The following ANO4 variants were observed in gnomAD, a reference collection of about 807,000 sequenced individuals.
ANO4 encodes the protein anoctamin-4.
A neutral mutation model predicts 141.9 loss-of-function variants in ANO4; 69 were observed. That is an observed-to-expected ratio of 0.49 (90% CI 0.40 to 0.59). The LOEUF (loss-of-function observed/expected upper bound fraction) is 0.59, where lower values mean the gene tolerates loss of function less well. ANO4 is among the 20% of genes least tolerant of loss of function. The probability of loss-of-function intolerance (pLI) is 0.00; values close to 1 mark genes in which losing one functional copy is unlikely to be tolerated. For synonymous variants in ANO4, 350 were observed against 394.3 expected (o/e 0.89, Z 1.33); for missense variants, 894 against 1,162.2 (o/e 0.77, Z 3.36).
At chr12:100,878,686 A>G (rs576100397) in intron 1 of ANO4, among the ~76,000 whole-genome samples, 15 of 152,262 alleles carry the variant, frequency 9.9e-5, no homozygotes, top group East Asian at 1.9e-4. Flanking sequence ...TACTAGAATA[A>G]TCTCCCTAAG....
chr12:100,858,433 C>G (rs1216723409), intron 1 of ANO4, among the ~76,000 whole-genome samples: 1 of 152,070 alleles, frequency 6.6e-6, no homozygotes, highest in Non-Finnish European at 1.5e-5. Context: ...TAAGATAAAA[C>G]TGTAGGCCTC....
intron 9 of ANO4, among the ~76,000 whole-genome samples, chr12:101,024,832 A>T (rs538538395): frequency 2.6e-5 from 4 of 152,210 alleles, no homozygotes. Flanking sequence ...TTTTTCTTAG[A>T]TATTTAGTAT....
intron 22 of ANO4, among the ~76,000 whole-genome samples, chr12:101,101,068 T>C (rs2050167024): frequency 6.6e-6 from 1 of 152,228 alleles, no homozygotes; most frequent in Non-Finnish European, 1.5e-5. Flanking sequence ...AGTTGGGTAG[T>C]TGTGTCAGAA....
intron 13 of ANO4, among the ~76,000 whole-genome samples, chr12:101,046,535 C>G (rs542261354): frequency 6.6e-6 from 1 of 152,318 alleles, no homozygotes; most frequent in African/African-American, 2.4e-5. Context: ...AAGATAACCT[C>G]CCATCTCCCC....
intron 2 of ANO4, among the ~76,000 whole-genome samples, chr12:100,912,224 G>A (rs2041132117): frequency 2.0e-5 from 3 of 151,766 alleles, no homozygotes; most frequent in African/African-American, 4.8e-5. Flanking sequence ...GGGGAAATCC[G>A]TCTCTACTAA....
At chr12:100,946,601 A>T (rs901064062) in intron 5 of ANO4, among the ~76,000 whole-genome samples, 1 of 152,198 alleles carries the variant, frequency 6.6e-6, no homozygotes, top group African/African-American at 2.4e-5. Flanking sequence ...ACTTACAGGG[A>T]TGCGGAAAAG....
intron 8 of ANO4, among the ~76,000 whole-genome samples, chr12:101,006,178 A>G (rs2045863743): frequency 6.6e-6 from 1 of 152,212 alleles, no homozygotes. Flanking sequence ...TTACTTATGC[A>G]ACATGCTCCC....
At chr12:100,918,958 CTTGTATAGGCCTAGGCTAATGTGTGTG>C (rs2041477894) in intron 2 of ANO4, among the ~76,000 whole-genome samples, 1 of 151,924 alleles carries the variant, frequency 6.6e-6, no homozygotes, top group South Asian at 2.1e-4. Context: ...TAATCCTGAC[CTTGTATAGGCCTAGGCTAATGTGTGTG>C]TTTGTATCCT....
At chr12:101,120,439 G>A in intron 25 of ANO4, 81 bp from the exon 26 acceptor site, 2 of 1,211,162 alleles carry the variant, frequency 1.7e-6, no homozygotes, top group Non-Finnish European at 1.2e-6. Context: ...TATTGAATGA[G>A]GACTATATAA....
intron 18 of ANO4, 142 bp downstream of exon 18, chr12:101,094,434 C>G: frequency 1.8e-6 from 1 of 566,742 alleles, no homozygotes; most frequent in South Asian, 4.3e-5. Flanking sequence ...TTGCCTTCAA[C>G]AGAATAATTT....
chr12:100,919,786 T>TA (rs1177650584), intron 2 of ANO4, among the ~76,000 whole-genome samples: 1 of 141,030 alleles, frequency 7.1e-6, no homozygotes, highest in Non-Finnish European at 1.6e-5. Context: ...CTATCTAATC[T>TA]ATCTGTCTAT....
rs570801432 is a variant in ANO4, at chr12:100,863,600, A to G, written c.-140-38046A>G. ...TACAATTAGAATAAAGTTTATTTAT[A>G]GATAAGTAAAAGGGCTAACTTAGTA... On this transcript the variant is annotated intron_variant, in intron 1 of 27. Transcript: ENST00000392977. Among the ~76,000 whole-genome samples, 4 of 152,304 alleles carry G rather than the reference A, an allele frequency of 2.6e-5. No individual in the cohort carries two copies. The East Asian group carries it at 7.7e-4, about 29-fold the overall frequency.
Position 100,919,005 on chromosome 12 carries a change from CA to C in ANO4, c.56-3214del, listed in dbSNP as rs576031943. Among the ~76,000 whole-genome samples the C allele has an allele frequency of 2.0e-5, 3 of 151,256 alleles. No homozygotes were observed. The East Asian group carries it at 5.9e-4, about 30-fold the overall frequency. ...TGTGTGTTTGTATCCTCATTTTTTA[CA>C]AAAAAAGTTTTAAAAAAGTTTTTAA... On this transcript the variant is annotated intron_variant, in intron 2 of 27. Transcript: ENST00000392977.
At chr12:101,057,945 T>C (rs2048191166) in intron 14 of ANO4, among the ~76,000 whole-genome samples, 1 of 152,230 alleles carries the variant, frequency 6.6e-6, no homozygotes, top group African/African-American at 2.4e-5. Flanking sequence ...CCCATGCCTA[T>C]GTCCTGAATG....
At chr12:100,808,005 G>T (rs1468013931) in intron 1 of ANO4, among the ~76,000 whole-genome samples, 1 of 152,148 alleles carries the variant, frequency 6.6e-6, no homozygotes, top group African/African-American at 2.4e-5. Context: ...TTACTATTGT[G>T]AATAGTGATG....
At chr12:100,765,186 A>G (rs1186200494) in intron 3 of ANO4, among the ~76,000 whole-genome samples, 2 of 151,996 alleles carry the variant, frequency 1.3e-5, no homozygotes, top group Non-Finnish European at 2.9e-5. Context: ...CAGTCTTGGT[A>G]GTTTGTATGT....
chr12:100,774,960 C>T (rs1049469849), intron 3 of ANO4, among the ~76,000 whole-genome samples: 1 of 152,164 alleles, frequency 6.6e-6, no homozygotes, highest in African/African-American at 2.4e-5. Flanking sequence ...CTTATGCAAA[C>T]TGTATTTCAG....
At chr12:101,049,150 T>C (rs1191947571) in intron 14 of ANO4, among the ~76,000 whole-genome samples, 2 of 152,190 alleles carry the variant, frequency 1.3e-5, no homozygotes, top group African/African-American at 4.8e-5. Flanking sequence ...GAGACAAACT[T>C]TATGCTATAT....
In ANO4 at chr12:101,062,259, T is replaced by G. The variant is rs1249817141; in HGVS notation, c.1312+13858T>G. Among the ~76,000 whole-genome samples, 5 of 152,314 alleles carry G rather than the reference T, an allele frequency of 3.3e-5. No homozygotes were observed. The East Asian group carries it at 9.7e-4, about 30-fold the overall frequency. ...CTGCCTATTTTTTCCTCTGGAAGCT[T>G]GAGCCCAGAGGGGCACCCCCCAAAT... On this transcript the variant is annotated intron_variant, in intron 14 of 27. Coordinates refer to ENST00000392977, the MANE Select transcript of ANO4 (RefSeq NM_001286615.2).
Sources: gnomAD v4.1 joint callset for allele counts (sites outside exome capture counted in the v4.1 genomes callset) on GRCh38, gnomAD v4.1.1 for gene constraint, MANE v1.5 for transcripts, NCBI Gene and HGNC (gene_info 2026-07-23, HGNC 2026-07-21) for gene names.